The following CNDP1 variants were observed in gnomAD, a reference collection of about 807,000 sequenced individuals.
CNDP1 encodes the protein carnosine dipeptidase 1, also known as beta-Ala-His dipeptidase.
A neutral mutation model predicts 58.1 loss-of-function variants in CNDP1; 44 were observed. That is an observed-to-expected ratio of 0.76 (90% CI 0.60 to 0.97). CNDP1 has a LOEUF of 0.97. CNDP1 is among the 50% of genes least tolerant of loss of function. The pLI is 0.00. For missense variants in CNDP1, 616 were observed against 655.1 expected (o/e 0.94, Z 0.65); for synonymous variants, 254 against 252.6 (o/e 1.01, Z -0.05).
At chr18:74,572,141 G>A (rs1378386158) in intron 7 of CNDP1, among the ~76,000 whole-genome samples, 3 of 152,028 alleles carry the variant, frequency 2.0e-5, no homozygotes, top group Non-Finnish European at 2.9e-5. Context: ...GCACAGCGAC[G>A]CCGACGAGTT....
intron 1 of CNDP1, among the ~76,000 whole-genome samples, chr18:74,551,122 G>A (rs546902640): frequency 3.1e-4 from 47 of 152,042 alleles, no homozygotes; most frequent in African/African-American, 8.0e-4. Flanking sequence ...TCCCTCTTGC[G>A]CCTGCTCTGG....
intron 1 of CNDP1, among the ~76,000 whole-genome samples, chr18:74,551,180 T>C (rs1378712478): frequency 6.6e-6 from 1 of 152,066 alleles, no homozygotes; most frequent in East Asian, 1.9e-4. Context: ...TGAGTAAAAG[T>C]TCCTTGAGAC....
At chr18:74,550,132 T>G (rs1980864653) in intron 1 of CNDP1, among the ~76,000 whole-genome samples, 1 of 152,198 alleles carries the variant, frequency 6.6e-6, no homozygotes, top group Non-Finnish European at 1.5e-5. Flanking sequence ...GGGCACTACC[T>G]AATGAAGCTG....
rs909248898 is a variant in CNDP1 at position 74,545,335 on chromosome 18, C to G, written c.24+10644C>G. ...GAGGTGGCCAAGCCCTGGAGTCCACCCCCGCCTTTAACCGGGGACCTTGGT... is the reference window on the plus strand; with the variant it reads ...GAGGTGGCCAAGCCCTGGAGTCCACGCCCGCCTTTAACCGGGGACCTTGGT... On this transcript the variant is annotated intron_variant, in intron 1 of 11. Coordinates refer to ENST00000358821, the MANE Select transcript of CNDP1 (RefSeq NM_032649.6). This position sits in a 1 kb window ranked among gnomAD's most constrained non-coding sequence, Gnocchi z 4.1. 2.6e-5 allele frequency among the ~76,000 whole-genome samples: 4 copies of G among 152,194 alleles called. No homozygotes were observed. The highest frequency in any genetic ancestry group is 4.4e-5 in the Non-Finnish European group (3 of 68,044).
At chr18:74,581,097 T>A (rs1981777403) in intron 10 of CNDP1, among the ~76,000 whole-genome samples, 1 of 152,148 alleles carries the variant, frequency 6.6e-6, no homozygotes, top group African/African-American at 2.4e-5. Flanking sequence ...CCGGCAGGGA[T>A]CTGCTCTTCC....
At chr18:74,543,418 A>G (rs143244400) in intron 1 of CNDP1, among the ~76,000 whole-genome samples, 3,618 of 152,236 alleles carry the variant, frequency 0.024, 152 homozygotes, top group African/African-American at 0.083. Flanking sequence ...ACTTGAACCC[A>G]GGAGGTTGAG....
Position 74,534,540 on chromosome 18 carries a change from CG to C in CNDP1, c.-123del. On this transcript the variant is annotated 5_prime_UTR_variant, in exon 1 of 12. Coordinates refer to ENST00000358821, the MANE Select transcript of CNDP1 (RefSeq NM_032649.6). ...CACTATACCAGCCTCGTCTTCCTTC[CG>C]GGGGACAACGTGGGTCAGGGCACAG... The C allele has an allele frequency of 1.1e-6, 1 of 949,436 alleles. No individual in the cohort carries two copies. Among genetic ancestry groups the C allele is most frequent in the Non-Finnish European group, 1.7e-6 (1 of 598,742 alleles). The allele number at this position is 949,436 out of a possible 1,614,324, so 58.8% of individuals were successfully genotyped here.
intron 6 of CNDP1, among the ~76,000 whole-genome samples, chr18:74,570,802 G>A (rs1981460318): frequency 6.6e-6 from 1 of 152,084 alleles, no homozygotes; most frequent in South Asian, 2.1e-4. Flanking sequence ...AGAGAAGAAA[G>A]CTTCTCAGAA....
chr18:74,578,384 G>T (rs982981976), intron 9 of CNDP1, 57 bp downstream of exon 9: 1 of 1,505,706 alleles, frequency 6.6e-7, no homozygotes, highest in Admixed American at 1.9e-5. Context: ...TCTGAATCCC[G>T]CACATCACGG....
intron 1 of CNDP1, among the ~76,000 whole-genome samples, chr18:74,537,664 C>T (rs1980516474): frequency 6.6e-6 from 1 of 152,106 alleles, no homozygotes; most frequent in Non-Finnish European, 1.5e-5. Flanking sequence ...GGCACTCACC[C>T]TTTGGATGGG....
Position 74,581,155 on chromosome 18 carries a change from C to T in CNDP1, c.1309+884C>T, listed in dbSNP as rs1367596215. 4.0e-5 allele frequency among the ~76,000 whole-genome samples: 6 copies of T among 151,036 alleles called. No individual in the cohort carries two copies. In the South Asian group the frequency reaches 1.0e-3, roughly 26 times the overall value. ...TTAATGGCCTTGGGCCAGAGTGAGG[C>T]AGGAAGTTGAAAATGAGACCCATTA... On this transcript the variant is annotated intron_variant, in intron 10 of 11. Transcript: ENST00000358821.
At chr18:74,560,556 G>A (rs1012918400) in intron 3 of CNDP1, among the ~76,000 whole-genome samples, 3 of 152,014 alleles carry the variant, frequency 2.0e-5, no homozygotes, top group African/African-American at 7.2e-5. Flanking sequence ...ATACAAAAAG[G>A]TAGCCGGACA....
At chr18:74,536,117 T>C (rs1228871220) in intron 1 of CNDP1, among the ~76,000 whole-genome samples, 1 of 152,208 alleles carries the variant, frequency 6.6e-6, no homozygotes, top group Non-Finnish European at 1.5e-5. Flanking sequence ...ACTATATATT[T>C]TCCCCTTTGC....
chr18:74,583,110 G>A (rs1981828068), intron 10 of CNDP1, among the ~76,000 whole-genome samples: 1 of 152,100 alleles, frequency 6.6e-6, no homozygotes, highest in Admixed American at 6.6e-5. Context: ...ACGTTCAAGC[G>A]ATTCTCCTGC....
chr18:74,547,677 G>A (rs948464175), intron 1 of CNDP1, among the ~76,000 whole-genome samples: 9 of 152,358 alleles, frequency 5.9e-5, no homozygotes, highest in Non-Finnish European at 8.8e-5. Flanking sequence ...AGGTGGAGGC[G>A]AAGCCAGTGC....
rs1462360563 is a variant in CNDP1 at position 74,567,426 on chromosome 18, T to G, written c.749T>G (p.Met250Arg). 1.2e-6 allele frequency: 2 copies of G among 1,613,634 alleles called. No individual in the cohort carries two copies. The highest frequency in any genetic ancestry group is 2.2e-5 in the South Asian group (2 of 91,058). ...TYGTRGNSYF[M>R]VEVKCRDQDF... ...GGAACCCGGGGGAACAGCTACTTCATGGTGGAGGTATCCACAGAGAGCAGT... is the reference window on the plus strand; with the variant it reads ...GGAACCCGGGGGAACAGCTACTTCAGGGTGGAGGTATCCACAGAGAGCAGT... The change falls in exon 6 of 12, where the codon ATG (methionine) becomes AGG (arginine). Residue 250 changes from methionine to arginine, a missense_variant. Physicochemically the swap from Met to Arg is moderately conservative, Grantham distance 91. Transcript: ENST00000358821.
chr18:74,551,931 AC>A (rs1568293556), intron 1 of CNDP1, among the ~76,000 whole-genome samples: 2 of 151,760 alleles, frequency 1.3e-5, no homozygotes, highest in African/African-American at 4.8e-5. Flanking sequence ...CAAAAAAAAA[AC>A]CAGTAGCCAC....
chr18:74,575,261 T>C (rs951651818), intron 7 of CNDP1, among the ~76,000 whole-genome samples: 4 of 152,236 alleles, frequency 2.6e-5, no homozygotes, highest in Admixed American at 6.5e-5. Flanking sequence ...AAAGTTGTAA[T>C]TTAAAATGAT....
At chr18:74,584,310 T>A in intron 11 of CNDP1, 186 bp from the exon 12 acceptor site, 1 of 576,968 alleles carries the variant, frequency 1.7e-6, no homozygotes, top group Non-Finnish European at 3.1e-6. Flanking sequence ...ATCTTCTTAA[T>A]AATAATAATG....
Sources: allele counts gnomAD v4.1 joint callset (sites outside exome capture counted in the v4.1 genomes callset), GRCh38; gene constraint gnomAD v4.1.1; non-coding constraint Gnocchi (gnomAD v3.1); transcripts MANE v1.5; gene names NCBI Gene and HGNC (gene_info 2026-07-23, HGNC 2026-07-21).